GPAM: variants seen among roughly 807,000 people sequenced by gnomAD.
GPAM encodes the protein glycerol-3-phosphate acyltransferase 1, mitochondrial.
Under a neutral mutation model 105.0 loss-of-function variants are expected in GPAM, and 56 were observed. That is an observed-to-expected ratio of 0.53 (90% confidence interval 0.43 to 0.67). The LOEUF (loss-of-function observed/expected upper bound fraction) is 0.67. Ranked by LOEUF, GPAM falls within the 30% of genes least tolerant of loss-of-function variation. The probability of loss-of-function intolerance (pLI) is 0.00; values close to 1 mark genes in which losing one functional copy is unlikely to be tolerated. For synonymous variants in GPAM, 368 were observed against 354.4 expected (o/e 1.04, Z -0.43); for missense variants, 855 against 989.8 (o/e 0.86, Z 1.83).
At chr10:112,188,488 G>A (rs1847620405), upstream of GPAM, among the ~76,000 whole-genome samples, 1 of 152,038 alleles carries the variant, frequency 6.6e-6, no homozygotes, top group Non-Finnish European at 1.5e-5. Flanking sequence ...TAAAAAGCTG[G>A]TCCCACCCAT....
In GPAM at chr10:112,168,480, G is replaced by A; in HGVS notation, c.939C>T (p.Phe313=). The A allele has an allele frequency of 6.2e-7, 1 of 1,613,034 alleles. No homozygotes were observed. The highest frequency in any genetic ancestry group is 8.5e-7 in the Non-Finnish European group (1 of 1,179,000). ...LLRQQQFLEI[F]LEGTRSRSGK... is the part of the protein sequence containing the mutation. Reference sequence around the variant, plus strand: ...CACTCCTAGAACGTGTGCCTTCCAGGAAGATCTCCAAGAATTGCTGCTGTC... The same window carrying A: ...CACTCCTAGAACGTGTGCCTTCCAGAAAGATCTCCAAGAATTGCTGCTGTC... Residue 313 remains phenylalanine, a synonymous_variant, in exon 11 of 22, where the codon TTC becomes TTT. Transcript: ENST00000348367.
chr10:112,216,245 A>G (rs1589615330), upstream of GPAM, among the ~76,000 whole-genome samples: 1 of 152,228 alleles, frequency 6.6e-6, no homozygotes, highest in South Asian at 2.1e-4. Context: ...GTAAATATGC[A>G]TTCGTTCAAC....
rs117391703 is a variant in GPAM, at chr10:112,197,870, A to G, written n.211-14979T>C. Among the ~76,000 whole-genome samples, 341 of 152,312 alleles carry G rather than the reference A, an allele frequency of 2.2e-3. 16 individuals are homozygous for G. The East Asian group carries it at 0.056, about 25-fold the overall frequency. On this transcript the variant is annotated intron_variant and non_coding_transcript_variant, in intron 1 of 3. Transcript: ENST00000480130. ...CCATGGCATTCTTATTCACAAAAAC[A>G]GAGGTGGCATGTATAGGAATCCTAC...
chr10:112,216,966 T>TAA (rs34357087), upstream of GPAM, among the ~76,000 whole-genome samples: 25 of 147,192 alleles, frequency 1.7e-4, no homozygotes, highest in African/African-American at 2.5e-4. Context: ...CTCCACTCCT[T>TAA]AAAAAAAAAA....
At chr10:112,226,149 TAAAAGTCA>T in the GPAM span, among the ~76,000 whole-genome samples, 1 of 152,172 alleles carries the variant, frequency 6.6e-6, no homozygotes, top group African/African-American at 2.4e-5. Context: ...GTTTAGCACA[TAAAAGTCA>T]TCTAGTTTGG....
chr10:112,174,639 T>A (rs1847371899), intron 6 of GPAM, among the ~76,000 whole-genome samples: 1 of 152,234 alleles, frequency 6.6e-6, no homozygotes. Context: ...GTGCTGATTT[T>A]GGACTAGTGA....
At chr10:112,214,772 G>A (rs1043762612) in intron 1 of GPAM, among the ~76,000 whole-genome samples, 1 of 152,232 alleles carries the variant, frequency 6.6e-6, no homozygotes, top group African/African-American at 2.4e-5. Flanking sequence ...CAGATTTGGT[G>A]ACGTTTCAAG....
intron 1 of GPAM, among the ~76,000 whole-genome samples, chr10:112,202,106 T>C (rs1223158079): frequency 6.6e-6 from 1 of 152,172 alleles, no homozygotes; most frequent in Non-Finnish European, 1.5e-5. Flanking sequence ...CCAACACTCA[T>C]TCTCTAAGTC....
intron 11 of GPAM, 39 bp downstream of exon 11, chr10:112,168,273 C>T (rs1847252349): frequency 8.6e-7 from 1 of 1,159,540 alleles, no homozygotes; most frequent in Non-Finnish European, 1.3e-6. Context: ...ATCTAAAAGA[C>T]TTGATAAGCA....
Position 112,163,876 on chromosome 10 carries a change from G to A in GPAM, c.1308-60C>T. ...ACTCTTTTACAAGGCAAACCATGTG[G>A]AACTGATCTTTAAATGAATTAGATA... On this transcript the variant is annotated intron_variant, in intron 13 of 21. Transcript: ENST00000348367. The A allele has an allele frequency of 3.8e-6, 3 of 791,540 alleles. No individual in the cohort carries two copies. The South Asian group carries it at 4.1e-5, about 11-fold the overall frequency. 49.0% of individuals were successfully genotyped at this position (791,540 alleles called of 1,614,324 possible).
Position 112,153,027 on chromosome 10 carries a change from G to A in GPAM, c.*523C>T. 1.7e-6 allele frequency: 1 copy of A among 600,484 alleles called. No homozygotes were observed. The highest frequency in any genetic ancestry group is 6.7e-5 in the South Asian group (1 of 14,922). 37.2% of individuals were successfully genotyped at this position (600,484 alleles called of 1,614,324 possible). A position where few individuals can be genotyped will look rare whatever the true frequency, so the allele number is the denominator to read the frequency against. ...CCACTCAATTTATAAAGCACTTTGG[G>A]ATAAAAGGTGCTCCCATTAAAAATG... On this transcript the variant is annotated 3_prime_UTR_variant, in exon 22 of 22. Transcript: ENST00000348367.
intron 12 of GPAM, among the ~76,000 whole-genome samples, chr10:112,165,033 T>C (rs750414022): frequency 2.6e-5 from 4 of 152,222 alleles, no homozygotes; most frequent in Admixed American, 6.5e-5. Flanking sequence ...ACAGAGAAGC[T>C]ATGTGACCAT....
At chr10:112,165,360 T>C (rs1423227386) in intron 12 of GPAM, among the ~76,000 whole-genome samples, 1 of 152,138 alleles carries the variant, frequency 6.6e-6, no homozygotes, top group African/African-American at 2.4e-5. Flanking sequence ...TTCTACACAA[T>C]AGGACATAGA....
chr10:112,227,238 C>A, the GPAM span, among the ~76,000 whole-genome samples: 1 of 152,306 alleles, frequency 6.6e-6, no homozygotes, highest in African/African-American at 2.4e-5. Context: ...TGTCCTGATA[C>A]CTCAGTTTAG....
intron 11 of GPAM, 118 bp from the exon 12 acceptor site, chr10:112,166,633 C>A: frequency 1.4e-6 from 1 of 736,646 alleles, no homozygotes; most frequent in Admixed American, 1.9e-5. Flanking sequence ...TGAAGAAGAA[C>A]AATGAATGAA....
chr10:112,166,611 G>C (rs960546514), intron 11 of GPAM, 96 bp from the exon 12 acceptor site: 2 of 788,822 alleles, frequency 2.5e-6, no homozygotes, highest in Non-Finnish European at 4.5e-6. Flanking sequence ...TATGGAAACT[G>C]TAAGTTCATC....
chr10:112,194,443 A>G (rs1277777700), intron 1 of GPAM, among the ~76,000 whole-genome samples: 2 of 152,234 alleles, frequency 1.3e-5, no homozygotes, highest in Middle Eastern at 3.2e-3. Context: ...TGCGGACACT[A>G]TGTCTTTCAG....
upstream of GPAM, among the ~76,000 whole-genome samples, chr10:112,188,199 C>T (rs973936904): frequency 6.6e-6 from 1 of 151,814 alleles, no homozygotes; most frequent in Non-Finnish European, 1.5e-5. Context: ...TCAACGAAAG[C>T]AGAAAAATTT....
In GPAM at chr10:112,160,112, A is replaced by G. The variant is rs565487595; in HGVS notation, c.1760-59T>C. 9.6e-5 allele frequency: 146 copies of G among 1,513,330 alleles called. 1 individual carries two copies. The highest frequency in any genetic ancestry group is 5.5e-4 in the Admixed American group (33 of 59,808). The allele number at this position is 1,513,330 out of a possible 1,614,324, so 93.7% of individuals were successfully genotyped here. On this transcript the variant is annotated intron_variant, in intron 16 of 21. Coordinates refer to ENST00000348367, the MANE Select transcript of GPAM (RefSeq NM_001244949.2). The stretch of plus-strand genomic sequence containing the variant: ...CTCAAAGTCTCCAAGAAAAACTTCA[A>G]CTGGCTTGAATAACCTTAAGAGATT...
Sources: gnomAD v4.1 joint callset for allele counts (sites outside exome capture counted in the v4.1 genomes callset) on GRCh38, gnomAD v4.1.1 for gene constraint, MANE v1.5 for transcripts, NCBI Gene and HGNC (gene_info 2026-07-23, HGNC 2026-07-21) for gene names.